Variants in C1orf146 observed in about 807,000 individuals in gnomAD.
C1orf146 encodes the protein protein SPO16 homolog.
C1orf146 carries 22 observed loss-of-function variants against 23.0 expected under a neutral mutation model. The observed-to-expected ratio is 0.96, with a 90% CI of 0.68 to 1.36. The LOEUF is 1.36. C1orf146 is among the 40% of genes most tolerant of loss of function. C1orf146 has a pLI of 0.00. For missense variants in C1orf146, 199 were observed against 206.8 expected, an observed-to-expected ratio of 0.96 and a Z score of 0.23; for synonymous variants, 59 against 65.3, an observed-to-expected ratio of 0.90 and a Z score of 0.47.
chr1:92,236,469 T>A (rs1416634006), intron 2 of C1orf146, among the ~76,000 whole-genome samples: 1 of 152,156 alleles, frequency 6.6e-6, no homozygotes, highest in Non-Finnish European at 1.5e-5. Flanking sequence ...AGTTTCTGCC[T>A]AGAGATCTGC....
chr1:92,219,492 CTTTCTTTTTTTTTTTTT>C (rs1288193212), intron 1 of C1orf146, among the ~76,000 whole-genome samples: 1 of 66,040 alleles, frequency 1.5e-5, no homozygotes, highest in Non-Finnish European at 2.8e-5. Flanking sequence ...GTGACTTTCT[CTTTCTTTTTTTTTTTTT>C]TTTTTTTTTT....
chr1:92,240,700 T>G (rs1557491548), intron 2 of C1orf146: 2 of 161,062 alleles, frequency 1.2e-5, no homozygotes, highest in Admixed American at 1.3e-4. Context: ...ATTTTTTAAT[T>G]TTTAGTAGAA....
chr1:92,220,687 C>A (rs538658929), intron 1 of C1orf146, among the ~76,000 whole-genome samples: 1 of 152,266 alleles, frequency 6.6e-6, no homozygotes, highest in East Asian at 1.9e-4. Context: ...TAAAATATTT[C>A]TGTGTGTATT....
intron 2 of C1orf146, among the ~76,000 whole-genome samples, chr1:92,232,765 C>T (rs1652165298): frequency 6.6e-6 from 1 of 150,876 alleles, no homozygotes; most frequent in Non-Finnish European, 1.5e-5. Context: ...TCCTCTCCAG[C>T]ACCTGTTGTT....
At chr1:92,244,452 T>C in intron 4 of C1orf146, 67 bp downstream of exon 4, 1 of 1,299,318 alleles carries the variant, frequency 7.7e-7, no homozygotes, top group Non-Finnish European at 1.1e-6. Context: ...TTAATTCTTT[T>C]AGGTAAGTTT....
chr1:92,235,103 A>G (rs1379616371), intron 2 of C1orf146, among the ~76,000 whole-genome samples: 1 of 151,294 alleles, frequency 6.6e-6, no homozygotes, highest in Non-Finnish European at 1.5e-5. Flanking sequence ...TTGTGTCTCT[A>G]TTTCCTTCAC....
chr1:92,238,714 C>G lies in C1orf146; in HGVS notation c.67-3498C>G, dbSNP rs527371765. Among the ~76,000 whole-genome samples, 186 of 152,152 alleles carry G rather than the reference C, an allele frequency of 1.2e-3. 2 individuals carry two copies. The highest frequency in any genetic ancestry group is 4.3e-3 in the African/African-American group (178 of 41,522). On this transcript the variant is annotated intron_variant, in intron 2 of 5. Transcript: ENST00000370375. ...CATGATATTTATGGGTGCTCATGAT[C>G]TGCCTGCAGTTATTCCTAACATTGT...
At position 92,244,317 on chromosome 1, in the gene C1orf146, T is replaced by A; in HGVS notation, c.261T>A (p.Ser87Arg). Residue 87 changes from serine (S) to arginine (R), a missense_variant, in exon 4 of 6, where the codon AGT becomes AGA. Physicochemically the swap from Ser to Arg is moderately radical, Grantham distance 110. Transcript: ENST00000370375. Reference sequence around the variant, plus strand: ...AATTTATTAACATTCACCAAAATAGTTTTTTGGTTTTGTCTGCTGCCCTCC... The same window carrying A: ...AATTTATTAACATTCACCAAAATAGATTTTTGGTTTTGTCTGCTGCCCTCC... The part of the protein sequence containing the change: ...IEKFINIHQN[S>R]FLVLSAALHG... The A allele has an allele frequency of 6.2e-7, 1 of 1,612,616 alleles. No homozygotes were observed. The highest frequency in any genetic ancestry group is 8.5e-7 in the Non-Finnish European group (1 of 1,179,054).
intron 2 of C1orf146, among the ~76,000 whole-genome samples, chr1:92,237,684 C>T (rs1652330505): frequency 6.6e-6 from 1 of 152,206 alleles, no homozygotes; most frequent in African/African-American, 2.4e-5. Flanking sequence ...ATGCTGGGAG[C>T]TGTAGACAGG....
intron 2 of C1orf146, among the ~76,000 whole-genome samples, chr1:92,233,641 G>A (rs1324985802): frequency 1.3e-5 from 2 of 152,128 alleles, no homozygotes; most frequent in South Asian, 2.1e-4. Flanking sequence ...TTCCAATTCT[G>A]TGAAGAAAGT....
At chr1:92,239,673 A>G (rs533650035) in intron 2 of C1orf146, among the ~76,000 whole-genome samples, 1 of 149,692 alleles carries the variant, frequency 6.7e-6, no homozygotes, top group Non-Finnish European at 1.5e-5. Context: ...AATCATTTGA[A>G]TCTGGGAGGC....
intron 2 of C1orf146, among the ~76,000 whole-genome samples, chr1:92,237,355 GT>G: frequency 6.6e-6 from 1 of 152,332 alleles, no homozygotes; most frequent in Non-Finnish European, 1.5e-5. Context: ...GTCTGTTGAA[GT>G]TTGCTAGAGG....
At chr1:92,237,452 A>G (rs1652312102) in intron 2 of C1orf146, among the ~76,000 whole-genome samples, 1 of 152,124 alleles carries the variant, frequency 6.6e-6, no homozygotes, top group African/African-American at 2.4e-5. Context: ...CTGCTGTCTG[A>G]TCATTCCTCT....
intron 1 of C1orf146, chr1:92,229,302 T>G: frequency 1.8e-6 from 1 of 551,526 alleles, no homozygotes; most frequent in Non-Finnish European, 3.7e-6. Context: ...CATGATGCAG[T>G]TGAAGGTGGT....
At chr1:92,233,387 T>G (rs543121557) in intron 2 of C1orf146, among the ~76,000 whole-genome samples, 22 of 152,124 alleles carry the variant, frequency 1.4e-4, no homozygotes, top group African/African-American at 5.3e-4. Context: ...CATTGCTTGT[T>G]TTTCTCAGGT....
At chr1:92,230,755 G>A (rs564558285) in intron 1 of C1orf146, among the ~76,000 whole-genome samples, 1 of 152,182 alleles carries the variant, frequency 6.6e-6, no homozygotes, top group South Asian at 2.1e-4. Flanking sequence ...GTGGGTAAAA[G>A]AGTGAGACCC....
chr1:92,241,997 T>C (rs1652442181), intron 2 of C1orf146, among the ~76,000 whole-genome samples: 1 of 152,218 alleles, frequency 6.6e-6, no homozygotes, highest in African/African-American at 2.4e-5. Context: ...AGTACGTAAC[T>C]CACTCCCAAA....
chr1:92,233,428 G>A (rs922791218), intron 2 of C1orf146, among the ~76,000 whole-genome samples: 285 of 152,044 alleles, frequency 1.9e-3, no homozygotes, highest in African/African-American at 6.5e-3. Context: ...GTAGATATGC[G>A]GCGTTATTTC....
intron 4 of C1orf146, 134 bp from the exon 5 acceptor site, chr1:92,244,644 TC>T: frequency 1.5e-6 from 1 of 652,220 alleles, no homozygotes; most frequent in Admixed American, 2.9e-5. Context: ...CCATCTCAAA[TC>T]CTCTGTGGAG....
Sources: allele counts gnomAD v4.1 joint callset (sites outside exome capture counted in the v4.1 genomes callset), GRCh38; gene constraint gnomAD v4.1.1; transcripts MANE v1.5; gene names NCBI Gene and HGNC (gene_info 2026-07-23, HGNC 2026-07-21).